The following TFAP2D variants were observed in gnomAD, a reference collection of about 807,000 sequenced individuals.
The protein encoded by TFAP2D is transcription factor AP-2 delta.
A neutral mutation model predicts 43.6 loss-of-function variants in TFAP2D; 9 were observed. That is an observed-to-expected ratio of 0.21 (90% CI 0.12 to 0.36). TFAP2D has a LOEUF of 0.36. TFAP2D is among the 10% of genes least tolerant of loss of function. The probability of loss-of-function intolerance (pLI) is 1.00; values close to 1 mark genes in which losing one functional copy is unlikely to be tolerated. For missense variants in TFAP2D, 513 were observed against 561.4 expected, an observed-to-expected ratio of 0.91 and a Z score of 0.87; for synonymous variants, 256 against 224.9, an observed-to-expected ratio of 1.14 and a Z score of -1.24.
chr6:50,716,789 T>C (rs924521679), intron 2 of TFAP2D, among the ~76,000 whole-genome samples: 5 of 152,076 alleles, frequency 3.3e-5, no homozygotes, highest in African/African-American at 1.2e-4. Flanking sequence ...CCAGGACAAA[T>C]AGGGAAATAT....
At chr6:50,716,572 C>T (rs1241491201) in intron 2 of TFAP2D, among the ~76,000 whole-genome samples, 2 of 152,164 alleles carry the variant, frequency 1.3e-5, no homozygotes, top group Non-Finnish European at 2.9e-5. Flanking sequence ...TTTCTTAACA[C>T]GTGTTTGCAC....
chr6:50,768,212 C>G (rs1769470439), intron 7 of TFAP2D, among the ~76,000 whole-genome samples: 1 of 128,408 alleles, frequency 7.8e-6, no homozygotes. Flanking sequence ...TGACCTTAGT[C>G]TTATTTTTTT....
At chr6:50,715,738 CT>C in intron 2 of TFAP2D, 125 bp downstream of exon 2, 1 of 755,962 alleles carries the variant, frequency 1.3e-6, no homozygotes, top group South Asian at 1.8e-5. Context: ...CTCTCTCTCT[CT>C]CTCTCTCTCT....
At chr6:50,743,632 G>T (rs549065179) in intron 5 of TFAP2D, among the ~76,000 whole-genome samples, 1 of 151,990 alleles carries the variant, frequency 6.6e-6, no homozygotes, top group Non-Finnish European at 1.5e-5. Flanking sequence ...GGGTTCTCCC[G>T]CTTCTGCCTC....
chr6:50,756,841 G>T (rs936990823), intron 7 of TFAP2D, among the ~76,000 whole-genome samples: 1 of 151,888 alleles, frequency 6.6e-6, no homozygotes, highest in African/African-American at 2.4e-5. Context: ...GGTGGCATGG[G>T]GTTTCACGGT....
At chr6:50,724,100 G>A (rs1019104889) in intron 3 of TFAP2D, among the ~76,000 whole-genome samples, 1 of 151,742 alleles carries the variant, frequency 6.6e-6, no homozygotes, top group East Asian at 1.9e-4. Flanking sequence ...GCCGTGGGGG[G>A]AGAGGTAACA....
Position 50,745,107 on chromosome 6 carries a change from G to T in TFAP2D, c.884G>T (p.Gly295Val). Residue 295 changes from glycine to valine, a missense_variant and splice_region_variant, in exon 6 of 8, where the codon GGG becomes GTG. Gly to Val is a moderately radical substitution (Grantham distance 109, BLOSUM62 -3). This residue lies in a region of TFAP2D where 199 missense variants were observed against 227.9 expected (regional missense o/e 0.87). Transcript: ENST00000008391. ...NVTLLTSLVE[G>V]EALHLARDFG... ...ACTCACTTGTGTTATCTGCCAACAG[G>T]GGAGGCTTTGCACTTGGCTCGGGAT... 6.2e-7 allele frequency: 1 copy of T among 1,613,468 alleles called. No homozygotes were observed. The highest frequency in any genetic ancestry group is 8.5e-7 in the Non-Finnish European group (1 of 1,179,688).
rs1489707770 is a variant in TFAP2D, at chr6:50,729,188, G to T, written c.765-6G>T. 2.5e-6 allele frequency: 4 copies of T among 1,613,050 alleles called. No individual in the cohort carries two copies. The highest frequency in any genetic ancestry group is 3.4e-6 in the Non-Finnish European group (4 of 1,179,640). The stretch of plus-strand genomic sequence containing the variant: ...CAAAACCTAGTTTTTGTTTGTTTTT[G>T]TACAGAGCAAAATCAAAGAATGGGG... On this transcript the variant is annotated splice_region_variant and splice_polypyrimidine_tract_variant and intron_variant, in intron 4 of 7. Coordinates refer to ENST00000008391, the MANE Select transcript of TFAP2D (RefSeq NM_172238.4).
intron 3 of TFAP2D, among the ~76,000 whole-genome samples, chr6:50,725,434 T>A (rs1768793950): frequency 1.3e-5 from 2 of 152,200 alleles, no homozygotes; most frequent in South Asian, 4.1e-4. Context: ...TTTGTGAAAG[T>A]ATTGCTTCTG....
At chr6:50,756,288 G>T (rs1769264500) in intron 7 of TFAP2D, among the ~76,000 whole-genome samples, 1 of 152,078 alleles carries the variant, frequency 6.6e-6, no homozygotes, top group African/African-American at 2.4e-5. Context: ...GCAGACAATT[G>T]TCAGAGTGTG....
chr6:50,745,055 G>A (rs1287646610), intron 5 of TFAP2D, 52 bp from the exon 6 acceptor site: 3 of 1,604,736 alleles, frequency 1.9e-6, no homozygotes, highest in Non-Finnish European at 2.6e-6. Flanking sequence ...AGACACTACT[G>A]TTATTAAGGT....
At chr6:50,766,537 A>C (rs1196428659) in intron 7 of TFAP2D, among the ~76,000 whole-genome samples, 1 of 150,824 alleles carries the variant, frequency 6.6e-6, no homozygotes, top group Non-Finnish European at 1.5e-5. Flanking sequence ...AATTTCTTTC[A>C]TTAGTGTCTT....
chr6:50,717,907 T>C (rs1005410368), intron 2 of TFAP2D: 1 of 152,238 alleles, frequency 6.6e-6, no homozygotes, highest in African/African-American at 2.4e-5. Context: ...ATGCCTCATT[T>C]CAAATGCAAC....
In TFAP2D at chr6:50,749,503, C is replaced by A. The variant is rs765825208; in HGVS notation, c.1026-1708C>A. Among the ~76,000 whole-genome samples the A allele has an allele frequency of 6.3e-4, 96 of 151,790 alleles. 1 individual carries two copies. The highest frequency in any genetic ancestry group is 1.3e-4 in the Admixed American group (2 of 15,210). ...CCAATCTTTCTTTGTAAGAATGGATCGTAATGATGACCTACCATACAGTAA... is the reference window on the plus strand; with the variant it reads ...CCAATCTTTCTTTGTAAGAATGGATAGTAATGATGACCTACCATACAGTAA... On this transcript the variant is annotated intron_variant, in intron 6 of 7. Transcript: ENST00000008391.
At chr6:50,757,460 T>TAGA (rs1561940204) in intron 7 of TFAP2D, among the ~76,000 whole-genome samples, 31 of 108,552 alleles carry the variant, frequency 2.9e-4, no homozygotes, top group Non-Finnish European at 4.0e-4. Context: ...TCTATATATA[T>TAGA]ATAATATATA....
chr6:50,731,367 C>T (rs2114039853), intron 5 of TFAP2D, among the ~76,000 whole-genome samples: 1 of 151,902 alleles, frequency 6.6e-6, no homozygotes, highest in East Asian at 1.9e-4. Flanking sequence ...ATTGATGAAA[C>T]CTTAGAAAAC....
At chr6:50,726,766 C>T (rs1305481064) in intron 3 of TFAP2D, among the ~76,000 whole-genome samples, 5 of 152,106 alleles carry the variant, frequency 3.3e-5, no homozygotes, top group Non-Finnish European at 5.9e-5. Context: ...CATTTTGCAT[C>T]TCTAAGTACA....
intron 3 of TFAP2D, among the ~76,000 whole-genome samples, chr6:50,721,198 G>A (rs893096128): frequency 6.6e-6 from 1 of 152,086 alleles, no homozygotes; most frequent in African/African-American, 2.4e-5. Flanking sequence ...AATCATCGTC[G>A]AATCTGCTAC....
chr6:50,768,821 TC>T (rs1769481190), intron 7 of TFAP2D, among the ~76,000 whole-genome samples: 1 of 152,146 alleles, frequency 6.6e-6, no homozygotes, highest in Non-Finnish European at 1.5e-5. Context: ...AGATGACCTT[TC>T]AGGTCATGAA....
Sources: gnomAD v4.1 joint callset for allele counts (sites outside exome capture counted in the v4.1 genomes callset) on GRCh38, gnomAD v4.1.1 for gene constraint, gnomAD v4.1.1 regional missense constraint, MANE v1.5 for transcripts, NCBI Gene and HGNC (gene_info 2026-07-23, HGNC 2026-07-21) for gene names.